Variants in DLG2 observed in about 807,000 individuals in gnomAD.
DLG2 encodes the protein disks large homolog 2.
DLG2 carries 45 observed loss-of-function variants against 132.5 expected under a neutral mutation model. The observed-to-expected ratio is 0.34, with a 90% CI of 0.27 to 0.44. The LOEUF (loss-of-function observed/expected upper bound fraction) is 0.44. Among genes scored for constraint, DLG2 ranks in the 20% least tolerant of loss-of-function variants. DLG2 has a pLI of 1.00. For missense variants in DLG2, 1,045 were observed against 1,196.9 expected (o/e 0.87, Z 1.87); for synonymous variants, 424 against 419.6 (o/e 1.01, Z -0.13).
intron 7 of DLG2, among the ~76,000 whole-genome samples, chr11:84,362,717 T>C (rs1192337957): frequency 6.6e-6 from 1 of 151,956 alleles, no homozygotes; most frequent in Non-Finnish European, 1.5e-5. Flanking sequence ...TGTCCATGTG[T>C]TCTCATTGTT....
intron 6 of DLG2, among the ~76,000 whole-genome samples, chr11:84,641,892 G>A (rs2154545256): frequency 6.6e-6 from 1 of 151,348 alleles, no homozygotes; most frequent in South Asian, 2.1e-4. Flanking sequence ...TTTTGTCAAA[G>A]AATGAAACTG....
intron 7 of DLG2, chr11:84,316,819 G>A: frequency 1.9e-6 from 3 of 1,601,630 alleles, no homozygotes; most frequent in Non-Finnish European, 8.5e-7. Flanking sequence ...TAAGGAAAAG[G>A]CTCACCTGTG....
chr11:84,524,071 C>G (rs11234066), intron 7 of DLG2, among the ~76,000 whole-genome samples: 14,229 of 152,120 alleles, frequency 0.094, 808 homozygotes, highest in South Asian at 0.18. Flanking sequence ...TTGGGCCACA[C>G]ATAAAATACA....
chr11:84,946,371 A>C (rs2050199273), intron 6 of DLG2, among the ~76,000 whole-genome samples: 1 of 152,058 alleles, frequency 6.6e-6, no homozygotes, highest in Non-Finnish European at 1.5e-5. Flanking sequence ...GGCCCATGAC[A>C]CATCTGGCAA....
intron 3 of DLG2, among the ~76,000 whole-genome samples, chr11:85,476,301 G>A (rs1348192409): frequency 6.6e-6 from 1 of 152,024 alleles, no homozygotes; most frequent in Non-Finnish European, 1.5e-5. Context: ...GGGCTTACAA[G>A]TCAAGTCTGG....
intron 18 of DLG2, among the ~76,000 whole-genome samples, chr11:83,675,575 G>T (rs1211922119): frequency 6.6e-6 from 1 of 152,140 alleles, no homozygotes; most frequent in Admixed American, 6.5e-5. Flanking sequence ...CACATTGATT[G>T]ACTCCAAATC....
chr11:84,329,872 G>C (rs2098450705), intron 7 of DLG2, among the ~76,000 whole-genome samples: 1 of 151,956 alleles, frequency 6.6e-6, no homozygotes, highest in Non-Finnish European at 1.5e-5. Context: ...ATTTTTCCTG[G>C]TCATAATGGA....
At chr11:83,525,353 T>A (rs1448909781) in intron 21 of DLG2, among the ~76,000 whole-genome samples, 1 of 152,184 alleles carries the variant, frequency 6.6e-6, no homozygotes, top group Non-Finnish European at 1.5e-5. Context: ...TTTGGATAGA[T>A]GTGATTATCA....
At chr11:84,357,034 G>T (rs922382701) in intron 7 of DLG2, among the ~76,000 whole-genome samples, 5 of 152,030 alleles carry the variant, frequency 3.3e-5, no homozygotes, top group African/African-American at 9.7e-5. Flanking sequence ...GAATGTAGGT[G>T]GAGTAAGAGG....
intron 7 of DLG2, among the ~76,000 whole-genome samples, chr11:84,395,435 G>A (rs2098807744): frequency 6.6e-6 from 1 of 151,808 alleles, no homozygotes; most frequent in Non-Finnish European, 1.5e-5. Flanking sequence ...TTCCTTTTTG[G>A]AGACAGGGTC....
At chr11:85,384,711 G>A (rs547014714) in intron 3 of DLG2, among the ~76,000 whole-genome samples, 3 of 152,132 alleles carry the variant, frequency 2.0e-5, no homozygotes, top group Non-Finnish European at 4.4e-5. Flanking sequence ...GGGACTACAG[G>A]TGCATGCCAC....
intron 6 of DLG2, among the ~76,000 whole-genome samples, chr11:85,074,960 T>C (rs995436167): frequency 6.6e-6 from 1 of 151,884 alleles, no homozygotes; most frequent in Non-Finnish European, 1.5e-5. Flanking sequence ...GAGATTACCA[T>C]GCTCTCCTTT....
At chr11:84,460,759 GCTAACCATTTCT>G (rs1370677684) in intron 7 of DLG2, among the ~76,000 whole-genome samples, 4 of 150,582 alleles carry the variant, frequency 2.7e-5, no homozygotes, top group Non-Finnish European at 6.0e-5. Context: ...TATATTATAT[GCTAACCATTTCT>G]CTAGTGCTGA....
intron 5 of DLG2, among the ~76,000 whole-genome samples, chr11:85,151,862 T>C (rs1381939609): frequency 6.6e-6 from 1 of 152,236 alleles, no homozygotes; most frequent in Non-Finnish European, 1.5e-5. Context: ...TTGATTAGGC[T>C]ATTTAGTGTC....
At chr11:83,919,441 G>A (rs945989950) in intron 15 of DLG2, among the ~76,000 whole-genome samples, 3 of 152,074 alleles carry the variant, frequency 2.0e-5, no homozygotes, top group African/African-American at 7.2e-5. Context: ...AATCAGGCTG[G>A]ATCCAAAATA....
intron 4 of DLG2, among the ~76,000 whole-genome samples, chr11:85,254,802 C>T (rs1327780757): frequency 1.3e-5 from 2 of 151,926 alleles, no homozygotes. Context: ...AGATCAAGAC[C>T]ATCCTGGCTA....
chr11:85,194,479 A>G (rs1366739669), intron 4 of DLG2, among the ~76,000 whole-genome samples: 2 of 152,116 alleles, frequency 1.3e-5, no homozygotes, highest in Non-Finnish European at 2.9e-5. Flanking sequence ...CTGATGTCCT[A>G]AAAGCTGTTT....
chr11:85,124,378 G>T (rs1334064815), intron 5 of DLG2, among the ~76,000 whole-genome samples: 1 of 152,154 alleles, frequency 6.6e-6, no homozygotes, highest in African/African-American at 2.4e-5. Flanking sequence ...TTTATGCTAG[G>T]ATATCTTATT....
intron 18 of DLG2, chr11:83,725,219 G>A (rs901145939): frequency 7.4e-6 from 2 of 271,324 alleles, no homozygotes; most frequent in South Asian, 1.1e-4. Flanking sequence ...TGGAAAAGTC[G>A]AAGAGGTGAA....
Sources: gnomAD v4.1 joint callset for allele counts (sites outside exome capture counted in the v4.1 genomes callset) on GRCh38, gnomAD v4.1.1 for gene constraint, MANE v1.5 for transcripts, NCBI Gene and HGNC (gene_info 2026-07-23, HGNC 2026-07-21) for gene names.